Variants in ADGRE1 observed in about 807,000 individuals in gnomAD.
ADGRE1 encodes adhesion G protein-coupled receptor E1, also known as EGF-like module receptor 1.
A neutral mutation model predicts 102.7 loss-of-function variants in ADGRE1; 82 were observed. The observed-to-expected ratio is 0.80, with a 90% CI of 0.67 to 0.96. ADGRE1 has a LOEUF of 0.96. ADGRE1 is among the 40% of genes least tolerant of loss of function. The pLI is 0.00. For missense variants in ADGRE1, 1,032 were observed against 1,085.3 expected, an observed-to-expected ratio of 0.95 and a Z score of 0.69; for synonymous variants, 398 against 399.6, an observed-to-expected ratio of 1.00 and a Z score of 0.05.
chr19:6,905,314 C>G (rs1764696501), intron 8 of ADGRE1, among the ~76,000 whole-genome samples: 1 of 151,334 alleles, frequency 6.6e-6, no homozygotes, highest in Admixed American at 6.6e-5. Context: ...TGCCACTGCA[C>G]TCAAGCCTGG....
chr19:6,926,831 T>C (rs1974932310), intron 16 of ADGRE1, among the ~76,000 whole-genome samples: 1 of 152,052 alleles, frequency 6.6e-6, no homozygotes, highest in African/African-American at 2.4e-5. Flanking sequence ...GAAGAGAACA[T>C]CTGGTTTACC....
chr19:6,925,659 A>G (rs1974869284), intron 15 of ADGRE1, among the ~76,000 whole-genome samples: 1 of 151,770 alleles, frequency 6.6e-6, no homozygotes, highest in African/African-American at 2.4e-5. Context: ...ACAGTTTAGA[A>G]TCTCTACTTC....
chr19:6,926,725 A>G lies in ADGRE1; in HGVS notation c.2222+124A>G, dbSNP rs113129200. 747 of 944,876 alleles carry G rather than the reference A, an allele frequency of 7.9e-4. 5 individuals are homozygous for G. The African/African-American group carries it at 0.01, about 13-fold the overall frequency. The allele number at this position is 944,876 out of a possible 1,614,324, so 58.5% of individuals were successfully genotyped here. ...TGGCTACCATTTATCGAGCTCTTCT[A>G]TTATGTACTATTGGTTTCAGGACCA... On this transcript the variant is annotated intron_variant, in intron 16 of 20. Transcript: ENST00000312053.
At chr19:6,893,430 A>G (rs908912318) in intron 2 of ADGRE1, among the ~76,000 whole-genome samples, 1 of 152,046 alleles carries the variant, frequency 6.6e-6, no homozygotes, top group Non-Finnish European at 1.5e-5. Flanking sequence ...CGAACTCCCG[A>G]TCTCAGGTGA....
chr19:6,906,568 C>A, intron 9 of ADGRE1, 47 bp downstream of exon 9: 1 of 1,546,868 alleles, frequency 6.5e-7, no homozygotes, highest in South Asian at 1.1e-5. Flanking sequence ...TCTTAGAAGC[C>A]ATTTAGGTAG....
intron 14 of ADGRE1, among the ~76,000 whole-genome samples, chr19:6,924,335 C>T (rs910383058): frequency 7.9e-5 from 12 of 152,262 alleles, no homozygotes; most frequent in Middle Eastern, 3.4e-3. Flanking sequence ...CTGATATTTG[C>T]CTCCCTTCTG....
chr19:6,929,455 T>C (rs1975055144), intron 17 of ADGRE1, among the ~76,000 whole-genome samples: 1 of 152,106 alleles, frequency 6.6e-6, no homozygotes, highest in Non-Finnish European at 1.5e-5. Flanking sequence ...TTTACTTGGC[T>C]GGCACCATGT....
At chr19:6,890,681 GT>G in intron 2 of ADGRE1, 138 bp downstream of exon 2, 1 of 817,804 alleles carries the variant, frequency 1.2e-6, no homozygotes, top group Non-Finnish European at 1.9e-6. Context: ...TAACATGCAA[GT>G]CTCCTGATTC....
intron 6 of ADGRE1, 36 bp from the exon 7 acceptor site, chr19:6,903,774 G>A (rs1419794475): frequency 2.2e-5 from 35 of 1,607,318 alleles, no homozygotes; most frequent in Non-Finnish European, 2.8e-5. Context: ...TGGCTCATTG[G>A]CCAACTTGGC....
chr19:6,924,632 AT>A, intron 14 of ADGRE1, 45 bp from the exon 15 acceptor site: 1 of 1,566,486 alleles, frequency 6.4e-7, no homozygotes. Context: ...GCCTGGGGGG[AT>A]TTTGATCCCA....
chr19:6,908,844 G>T lies in ADGRE1; in HGVS notation c.1122+72G>T, dbSNP rs1009786719. On this transcript the variant is annotated intron_variant, in intron 10 of 20. Coordinates refer to ENST00000312053, the MANE Select transcript of ADGRE1 (RefSeq NM_001974.5). ...GGGCACACTTTGGGTGCAGAAAGATGTCTTTATGGCTGGGCGTGGTGGCTC... is the reference window on the plus strand; with the variant it reads ...GGGCACACTTTGGGTGCAGAAAGATTTCTTTATGGCTGGGCGTGGTGGCTC... 3.0e-5 allele frequency: 43 copies of T among 1,441,486 alleles called. 1 individual carries two copies. The Middle Eastern group carries it at 8.9e-4, about 30-fold the overall frequency. The allele number at this position is 1,441,486 out of a possible 1,614,324, so 89.3% of individuals were successfully genotyped here. A position where few individuals can be genotyped will look rare whatever the true frequency, so the allele number is the denominator to read the frequency against.
In ADGRE1 at chr19:6,936,766, G is replaced by A. The variant is rs557154278; in HGVS notation, c.2382-477G>A. On this transcript the variant is annotated intron_variant, in intron 18 of 20. Transcript: ENST00000312053. ...GCCTCCTGGGTAGCTGGGATTACAG[G>A]CATCTGCCACCGTGCCCGGCTAATT... is the stretch of plus-strand genomic sequence containing the variant. 2.6e-4 allele frequency among the ~76,000 whole-genome samples: 40 copies of A among 151,984 alleles called. 1 individual carries two copies. The South Asian group carries it at 3.1e-3, about 12-fold the overall frequency.
At chr19:6,916,179 T>A in intron 11 of ADGRE1, 70 bp from the exon 12 acceptor site, 1 of 1,555,616 alleles carries the variant, frequency 6.4e-7, no homozygotes, top group Non-Finnish European at 8.7e-7. Context: ...GTACCTTTTT[T>A]TGGACAGAAA....
intron 9 of ADGRE1, 64 bp from the exon 10 acceptor site, chr19:6,908,625 A>G (rs1356913690): frequency 1.6e-5 from 23 of 1,421,880 alleles, no homozygotes; most frequent in Admixed American, 2.3e-5. Context: ...TGTAGATTAC[A>G]TGCTTGGGGG....
At chr19:6,903,778 A>G (rs140895836) in intron 6 of ADGRE1, 32 bp from the exon 7 acceptor site, 51 of 1,609,040 alleles carry the variant, frequency 3.2e-5, no homozygotes, top group East Asian at 4.5e-5. Flanking sequence ...TCATTGGCCA[A>G]CTTGGCTCCA....
Position 6,937,264 on chromosome 19 carries a change from T to G in ADGRE1, c.2403T>G (p.Phe801Leu). The G allele has an allele frequency of 6.2e-7, 1 of 1,613,984 alleles. No homozygotes were observed. Among genetic ancestry groups the G allele is most frequent in the Non-Finnish European group, 8.5e-7 (1 of 1,179,902 alleles). Residue 801 changes from phenylalanine (F) to leucine (L), a missense_variant, in exon 19 of 21, where the codon TTT becomes TTG. Coordinates refer to ENST00000312053, the MANE Select transcript of ADGRE1 (RefSeq NM_001974.5). ...KDTRLLTFKA[F>L]AQLFILGCSW... ...CCAGGTTACTGACCTTCAAGGCCTT[T>G]GCCCAGCTCTTCATCCTGGGCTGCT... is the stretch of plus-strand genomic sequence containing the variant.
chr19:6,898,402 T>C, intron 5 of ADGRE1: 3 of 1,602,012 alleles, frequency 1.9e-6, no homozygotes, highest in Non-Finnish European at 2.6e-6. Context: ...TTTAGATGGT[T>C]TCTCTTCTCC....
At chr19:6,925,540 T>C (rs1489351858) in intron 15 of ADGRE1, among the ~76,000 whole-genome samples, 1 of 152,112 alleles carries the variant, frequency 6.6e-6, no homozygotes, top group South Asian at 2.1e-4. Context: ...GTGCTACTGC[T>C]CTCTGGTGGG....
intron 12 of ADGRE1, among the ~76,000 whole-genome samples, chr19:6,917,363 G>C (rs1190339172): frequency 6.6e-6 from 1 of 152,064 alleles, no homozygotes; most frequent in Non-Finnish European, 1.5e-5. Context: ...CTATGGCTCT[G>C]TGTTGAAAAA....
Sources: allele counts gnomAD v4.1 joint callset (sites outside exome capture counted in the v4.1 genomes callset), GRCh38; gene constraint gnomAD v4.1.1; transcripts MANE v1.5; gene names NCBI Gene and HGNC (gene_info 2026-07-23, HGNC 2026-07-21).